NACC2: variants seen among roughly 807,000 people sequenced by gnomAD.
The protein encoded by NACC2 is NACC family member 2.
In NACC2, 8 loss-of-function variants were observed where a neutral mutation model predicts 25.1. The ratio of observed to expected loss-of-function variants is 0.32; its 90% CI spans 0.19 to 0.57. NACC2 has a LOEUF of 0.57. Ranked by LOEUF, NACC2 falls within the 20% of genes least tolerant of loss-of-function variation. The pLI is 0.89. For synonymous variants in NACC2, 435 were observed against 294.7 expected, an observed-to-expected ratio of 1.48 and a Z score of -4.88; for missense variants, 644 against 650.2, an observed-to-expected ratio of 0.99 and a Z score of 0.10.
chr9:136,036,862 T>A (rs1840561955), intron 2 of NACC2, among the ~76,000 whole-genome samples: 1 of 152,224 alleles, frequency 6.6e-6, no homozygotes, highest in Non-Finnish European at 1.5e-5. Context: ...AAATTTGATT[T>A]TTTAAAAAAG....
intron 1 of NACC2, among the ~76,000 whole-genome samples, chr9:136,050,888 G>A (rs1022606431): frequency 5.2e-4 from 79 of 152,292 alleles, no homozygotes; most frequent in South Asian, 1.2e-3. Flanking sequence ...AGGCGAGGAG[G>A]AGCGCAGGCC....
chr9:136,094,901 C>T (rs1218532553), intron 1 of NACC2, among the ~76,000 whole-genome samples: 2 of 149,858 alleles, frequency 1.3e-5, no homozygotes, highest in East Asian at 2.0e-4. Context: ...GCCGGGGTCT[C>T]CCCGAACGCG....
rs56188305 is a variant in NACC2, at chr9:136,007,455, GCACA to G, written c.*4057_*4060del. 1.0e-3 allele frequency: 152 copies of G among 150,172 alleles called. 1 individual carries two copies. The highest frequency in any genetic ancestry group is 3.6e-3 in the African/African-American group (141 of 39,502). 9.3% of individuals were successfully genotyped at this position (150,172 alleles called of 1,614,324 possible). A position where few individuals can be genotyped will look rare whatever the true frequency, so the allele number is the denominator to read the frequency against. On this transcript the variant is annotated 3_prime_UTR_variant, in exon 6 of 6. Coordinates refer to ENST00000277554, the MANE Select transcript of NACC2 (RefSeq NM_144653.5). The stretch of plus-strand genomic sequence containing the variant: ...TACACACAGACGCGCACACACACGC[GCACA>G]CAGACGCACACACACAGACGCACAC...
chr9:136,081,112 T>C (rs756757910), intron 1 of NACC2, among the ~76,000 whole-genome samples: 1 of 152,046 alleles, frequency 6.6e-6, no homozygotes, highest in African/African-American at 2.4e-5. Flanking sequence ...ATATTTCTCG[T>C]AACACAGGAA....
chr9:136,093,089 AG>A (rs751154205), intron 1 of NACC2, among the ~76,000 whole-genome samples: 3 of 152,130 alleles, frequency 2.0e-5, no homozygotes, highest in Non-Finnish European at 2.9e-5. Context: ...CCTCAGAGGA[AG>A]GGGCACAAGG....
Position 136,013,382 on chromosome 9 carries a change from G to A in NACC2, c.1158-86C>T. 1 of 1,273,660 alleles carries A rather than the reference G, an allele frequency of 7.9e-7. No homozygotes were observed. Among genetic ancestry groups the A allele is most frequent in the Non-Finnish European group, 1.1e-6 (1 of 897,776 alleles). 78.9% of individuals were successfully genotyped at this position (1,273,660 alleles called of 1,614,324 possible). The stretch of plus-strand genomic sequence containing the variant: ...ACCCGCCCGCACGAATGCCCTGCTG[G>A]GAGGCCACTTGGCCTCACCCTTGGC... On this transcript the variant is annotated intron_variant, in intron 4 of 5. Coordinates refer to ENST00000277554, the MANE Select transcript of NACC2 (RefSeq NM_144653.5). This position sits in a 1 kb window ranked among gnomAD's most constrained non-coding sequence, Gnocchi z 6.6.
chr9:136,044,133 T>C (rs966198456), intron 2 of NACC2, among the ~76,000 whole-genome samples: 3 of 151,996 alleles, frequency 2.0e-5, no homozygotes, highest in Non-Finnish European at 4.4e-5. Flanking sequence ...CCAATACAAA[T>C]ACTTTAGCAA....
intron 1 of NACC2, among the ~76,000 whole-genome samples, chr9:136,069,344 G>T (rs1449628537): frequency 1.4e-5 from 2 of 146,128 alleles, no homozygotes; most frequent in African/African-American, 5.5e-5. Flanking sequence ...AGGTCAGGAG[G>T]TCGAGACCAG....
chr9:136,025,505 G>A (rs576033133), intron 2 of NACC2, among the ~76,000 whole-genome samples: 59 of 152,058 alleles, frequency 3.9e-4, no homozygotes, highest in African/African-American at 1.2e-3. Context: ...CAGACAACTA[G>A]CAGACACCGA....
At chr9:136,024,919 G>A (rs1364363508) in intron 2 of NACC2, among the ~76,000 whole-genome samples, 2 of 152,224 alleles carry the variant, frequency 1.3e-5, no homozygotes, top group Non-Finnish European at 2.9e-5. Flanking sequence ...TCGGGGCCCA[G>A]GATCCTGAGA....
intron 1 of NACC2, among the ~76,000 whole-genome samples, chr9:136,080,862 G>A (rs999614474): frequency 3.3e-5 from 5 of 152,110 alleles, no homozygotes; most frequent in African/African-American, 1.2e-4. Context: ...CCAGCCAGCT[G>A]CATCAGGCCC....
chr9:136,033,521 G>A (rs1354618969), intron 2 of NACC2, among the ~76,000 whole-genome samples: 1 of 150,710 alleles, frequency 6.6e-6, no homozygotes. Flanking sequence ...GTGGTGGCGG[G>A]TGCCTGTAAT....
chr9:136,039,554 A>G (rs1840599385), intron 2 of NACC2, among the ~76,000 whole-genome samples: 1 of 152,352 alleles, frequency 6.6e-6, no homozygotes, highest in Admixed American at 6.5e-5. Flanking sequence ...ACCTTCATGA[A>G]CATAAATGCA....
Position 136,011,555 on chromosome 9 carries a change from C to T in NACC2, c.1725G>A (p.Ala575=), listed in dbSNP as rs1283496464. The T allele has an allele frequency of 1.2e-5, 17 of 1,408,586 alleles. No individual in the cohort carries two copies. The Admixed American group carries it at 1.8e-4, about 15-fold the overall frequency. 87.3% of individuals were successfully genotyped at this position (1,408,586 alleles called of 1,614,324 possible). The stretch of plus-strand genomic sequence containing the variant: ...CATAGGTGCCCTCCGGCCTCCGGGC[C>T]GCGGCCGCCGGCGTCTGGGGCCTGC... The part of the protein sequence containing the change: ...GPSRPQTPAA[A]ARRPEGTYAG... The change falls in exon 6 of 6, where the codon GCG becomes GCA. Residue 575 remains alanine, a synonymous_variant. Coordinates refer to ENST00000277554, the MANE Select transcript of NACC2 (RefSeq NM_144653.5).
At chr9:136,072,255 A>G (rs1841164886) in intron 1 of NACC2, among the ~76,000 whole-genome samples, 1 of 149,518 alleles carries the variant, frequency 6.7e-6, no homozygotes, top group East Asian at 2.0e-4. Context: ...AAAAAAAAAA[A>G]AACCCAAAGG....
At chr9:136,052,826 C>T (rs1173276231) in intron 1 of NACC2, among the ~76,000 whole-genome samples, 4 of 152,240 alleles carry the variant, frequency 2.6e-5, no homozygotes, top group Non-Finnish European at 4.4e-5. Context: ...CAGCGTCTGG[C>T]TGTTATTGAG....
chr9:136,040,939 C>A (rs984377948), intron 2 of NACC2, among the ~76,000 whole-genome samples: 1 of 143,872 alleles, frequency 7.0e-6, no homozygotes, highest in Admixed American at 7.2e-5. Context: ...CCAGCCCAGG[C>A]GACAGAGTGA....
Position 136,011,771 on chromosome 9 carries a change from G to A in NACC2, c.1509C>T (p.Ala503=), listed in dbSNP as rs747023202. The change falls in exon 6 of 6, where the codon GCC becomes GCT. Residue 503 remains alanine, a synonymous_variant. Coordinates refer to ENST00000277554, the MANE Select transcript of NACC2 (RefSeq NM_144653.5). ...CAGTTCTCAGAGCCACGATGGTGGC[G>A]GCGTCGCCCCGCCGCTCGGCGTAGA... The part of the protein sequence containing the change: ...QRIYAERRGD[A]ATIVALRTDA... The A allele has an allele frequency of 6.9e-5, 106 of 1,534,168 alleles. No homozygotes were observed. The East Asian group carries it at 2.0e-3, about 30-fold the overall frequency.
At chr9:136,052,939 G>T (rs1020590654) in intron 1 of NACC2, among the ~76,000 whole-genome samples, 2 of 152,206 alleles carry the variant, frequency 1.3e-5, no homozygotes, top group Non-Finnish European at 2.9e-5. Flanking sequence ...GCCTCTCTGC[G>T]TGGGGCCCTG....
Sources: gnomAD v4.1 joint callset for allele counts (sites outside exome capture counted in the v4.1 genomes callset) on GRCh38, gnomAD v4.1.1 for gene constraint, Gnocchi (gnomAD v3.1) non-coding constraint, MANE v1.5 for transcripts, NCBI Gene and HGNC (gene_info 2026-07-23, HGNC 2026-07-21) for gene names.